Variants in COL22A1 observed in about 807,000 individuals in gnomAD.
COL22A1 encodes the protein collagen type XXII alpha 1 chain.
COL22A1 carries 221 observed loss-of-function variants against 248.9 expected under a neutral mutation model. The observed-to-expected ratio is 0.89, with a 90% CI of 0.80 to 0.99. The LOEUF (loss-of-function observed/expected upper bound fraction) is 0.99. Ranked by LOEUF, COL22A1 falls within the 50% of genes least tolerant of loss-of-function variation. COL22A1 has a pLI of 0.00. For synonymous variants in COL22A1, 891 were observed against 793.4 expected (o/e 1.12, Z -2.07); for missense variants, 2,240 against 2,179.0 (o/e 1.03, Z -0.56).
intron 1 of COL22A1, among the ~76,000 whole-genome samples, chr8:138,885,220 C>A (rs1345316530): frequency 3.9e-5 from 6 of 152,184 alleles, no homozygotes; most frequent in African/African-American, 1.2e-4. Flanking sequence ...GGCTGCTTCT[C>A]CATCCTGGAA....
chr8:138,630,647 A>G, intron 50 of COL22A1, 48 bp downstream of exon 50: 1 of 1,558,164 alleles, frequency 6.4e-7, no homozygotes, highest in Non-Finnish European at 8.9e-7. Context: ...GGGTTCCAGA[A>G]AGGCTAAAGA....
At chr8:138,768,426 C>G (rs945649883) in intron 16 of COL22A1, among the ~76,000 whole-genome samples, 1 of 152,220 alleles carries the variant, frequency 6.6e-6, no homozygotes, top group African/African-American at 2.4e-5. Flanking sequence ...CATCCGGAGG[C>G]AGCAGAAGGC....
At chr8:138,748,757 A>C (rs949777686) in intron 22 of COL22A1, among the ~76,000 whole-genome samples, 1 of 152,228 alleles carries the variant, frequency 6.6e-6, no homozygotes, top group Non-Finnish European at 1.5e-5. Flanking sequence ...GCACCATTGC[A>C]TGGGTGGCTG....
chr8:138,590,987 G>T (rs1439671574), intron 64 of COL22A1, among the ~76,000 whole-genome samples: 1 of 152,156 alleles, frequency 6.6e-6, no homozygotes, highest in African/African-American at 2.4e-5. Context: ...TATAGTGAAA[G>T]AAAAAGGACT....
intron 16 of COL22A1, among the ~76,000 whole-genome samples, chr8:138,770,220 C>A (rs1834248247): frequency 6.6e-6 from 1 of 152,182 alleles, no homozygotes; most frequent in Non-Finnish European, 1.5e-5. Context: ...ATGTTTACAG[C>A]CACCCAACGT....
intron 60 of COL22A1, among the ~76,000 whole-genome samples, chr8:138,599,720 G>GT (rs1817848354): frequency 6.6e-6 from 1 of 152,028 alleles, no homozygotes; most frequent in African/African-American, 2.4e-5. Flanking sequence ...GTGAGACTCT[G>GT]TTTTTTAAAA....
At position 138,684,415 on chromosome 8, in the gene COL22A1, A is replaced by G; in HGVS notation, c.3012+10T>C. The G allele has an allele frequency of 6.2e-7, 1 of 1,602,122 alleles. No individual in the cohort carries two copies. Among genetic ancestry groups the G allele is most frequent in the South Asian group, 1.1e-5 (1 of 90,818 alleles). Reference sequence around the variant, plus strand: ...CGTGGCACCCACAGTTTTCTTGGACAAGCACTCACCTTGGTTCCTAGGGGT... The same window carrying G: ...CGTGGCACCCACAGTTTTCTTGGACGAGCACTCACCTTGGTTCCTAGGGGT... On this transcript the variant is annotated intron_variant, in intron 39 of 64. Coordinates refer to ENST00000303045, the MANE Select transcript of COL22A1 (RefSeq NM_152888.3).
At chr8:138,875,423 C>T (rs1823641601) in intron 3 of COL22A1, among the ~76,000 whole-genome samples, 1 of 152,116 alleles carries the variant, frequency 6.6e-6, no homozygotes, top group Admixed American at 6.5e-5. Flanking sequence ...CCAAGACTGT[C>T]AGGATGGCAA....
chr8:138,616,179 C>T (rs1433334264), intron 54 of COL22A1, 125 bp from the exon 55 acceptor site: 3 of 788,658 alleles, frequency 3.8e-6, no homozygotes, highest in Non-Finnish European at 6.5e-6. Context: ...CTTCCATACG[C>T]AGAGCCCCAG....
chr8:138,638,334 T>C (rs4909817), intron 47 of COL22A1, among the ~76,000 whole-genome samples: 140,071 of 152,240 alleles, frequency 0.92, 65,173 homozygotes, highest in East Asian at 1. Flanking sequence ...ATGCCTGTCA[T>C]CCCTTAACTT....
At chr8:138,629,970 T>C (rs1820572877) in intron 50 of COL22A1, among the ~76,000 whole-genome samples, 1 of 152,188 alleles carries the variant, frequency 6.6e-6, no homozygotes, top group Admixed American at 6.5e-5. Flanking sequence ...ATGTGGATAA[T>C]GATTCATGGC....
intron 3 of COL22A1, among the ~76,000 whole-genome samples, chr8:138,854,838 G>C (rs1563847575): frequency 6.6e-6 from 1 of 151,602 alleles, no homozygotes; most frequent in African/African-American, 2.4e-5. Context: ...GACGATGATG[G>C]TGATGATGGT....
intron 41 of COL22A1, 104 bp downstream of exon 41, chr8:138,676,454 A>AAGGAAGAAAGAAAGAAAGAAAGG: frequency 2.4e-6 from 1 of 408,508 alleles, no homozygotes; most frequent in Non-Finnish European, 4.3e-6. Flanking sequence ...AGAAAGAAAG[A>AAGGAAGAAAGAAAGAAAGAAAGG]AAGGAAGAAA....
Position 138,676,543 on chromosome 8 carries a change from T to G in COL22A1, c.3150+15A>C, listed in dbSNP as rs1205581595. 2.6e-6 allele frequency: 4 copies of G among 1,547,660 alleles called. No individual in the cohort carries two copies. The highest frequency in any genetic ancestry group is 3.5e-6 in the Non-Finnish European group (4 of 1,141,834). ...GTCCTGAAAGCAAGTAAGAGCTGGA[T>G]AAATAAAGACTTACAGGAGGGCCAG... On this transcript the variant is annotated intron_variant, in intron 41 of 64. Coordinates refer to ENST00000303045, the MANE Select transcript of COL22A1 (RefSeq NM_152888.3).
At chr8:138,742,832 G>T (rs1831744076) in intron 22 of COL22A1, among the ~76,000 whole-genome samples, 2 of 146,368 alleles carry the variant, frequency 1.4e-5, no homozygotes, top group East Asian at 4.1e-4. Context: ...GATGATGATG[G>T]TAGTAGTGAT....
intron 1 of COL22A1, among the ~76,000 whole-genome samples, chr8:138,905,706 C>A (rs190993826): frequency 1.3e-5 from 2 of 152,168 alleles, no homozygotes; most frequent in African/African-American, 4.8e-5. Context: ...TAAACATCCA[C>A]GTTATCGGAC....
intron 50 of COL22A1, among the ~76,000 whole-genome samples, chr8:138,629,301 C>A (rs1203061845): frequency 6.6e-6 from 1 of 152,068 alleles, no homozygotes; most frequent in Non-Finnish European, 1.5e-5. Flanking sequence ...GGATTACAGG[C>A]ATGTGCCACC....
intron 35 of COL22A1, among the ~76,000 whole-genome samples, chr8:138,692,270 T>TGTGGAGGTGTGTGTA (rs1827103546): frequency 2.3e-5 from 1 of 42,964 alleles, no homozygotes. Flanking sequence ...GTGTGCATGT[T>TGTGGAGGTGTGTGTA]TGTGTGCACA....
intron 25 of COL22A1, among the ~76,000 whole-genome samples, chr8:138,722,855 G>T (rs1435899194): frequency 2.3e-5 from 3 of 128,638 alleles, no homozygotes; most frequent in African/African-American, 5.6e-5. Flanking sequence ...GGGGGCGGGG[G>T]GGGGGTGGTG....
Sources: gnomAD v4.1 joint callset for allele counts (sites outside exome capture counted in the v4.1 genomes callset) on GRCh38, gnomAD v4.1.1 for gene constraint, MANE v1.5 for transcripts, NCBI Gene and HGNC (gene_info 2026-07-23, HGNC 2026-07-21) for gene names.